Variants in AHDC1 observed in about 807,000 individuals in gnomAD.
AHDC1 encodes AT-hook DNA binding motif containing 1, also known as transcription factor Gibbin.
In AHDC1, 7 loss-of-function variants were observed where a neutral mutation model predicts 87.9. The observed-to-expected ratio is 0.08, with a 90% CI of 0.05 to 0.15. AHDC1 has a LOEUF of 0.15. Among genes scored for constraint, AHDC1 ranks in the 10% least tolerant of loss-of-function variants. The pLI is 1.00. For missense variants in AHDC1, 1,841 were observed against 2,253.2 expected (o/e 0.82, Z 3.70); for synonymous variants, 1,051 against 1,006.8 (o/e 1.04, Z -0.83).
chr1:27,575,192 C>G (rs570732254), intron 3 of AHDC1, among the ~76,000 whole-genome samples: 11 of 152,310 alleles, frequency 7.2e-5, no homozygotes, highest in African/African-American at 2.4e-4. Flanking sequence ...GCCGCCGCCT[C>G]TGGGGCTACC....
chr1:27,575,870 G>C (rs563797097), intron 3 of AHDC1, among the ~76,000 whole-genome samples: 2 of 136,332 alleles, frequency 1.5e-5, no homozygotes, highest in Non-Finnish European at 3.2e-5. Flanking sequence ...GCCAGGCCGG[G>C]CCCTCTGCTG....
chr1:27,571,991 T>G (rs1214966107), intron 3 of AHDC1, among the ~76,000 whole-genome samples: 1 of 152,016 alleles, frequency 6.6e-6, no homozygotes, highest in Admixed American at 6.5e-5. Flanking sequence ...AAATCCCTCC[T>G]CTTCAATATT....
At chr1:27,570,180 C>T (rs1448818789) in intron 3 of AHDC1, among the ~76,000 whole-genome samples, 1 of 152,102 alleles carries the variant, frequency 6.6e-6, no homozygotes, top group East Asian at 1.9e-4. Flanking sequence ...TTACAGAATG[C>T]TCCTCCCTGC....
chr1:27,580,226 A>C (rs910618557), intron 3 of AHDC1, among the ~76,000 whole-genome samples: 6 of 152,186 alleles, frequency 3.9e-5, no homozygotes, highest in Non-Finnish European at 7.3e-5. Flanking sequence ...AATGAGGCCA[A>C]GAGATAGAGT....
intron 8 of AHDC1, among the ~76,000 whole-genome samples, chr1:27,538,610 GC>G (rs1349470001): frequency 6.6e-6 from 1 of 151,440 alleles, no homozygotes; most frequent in African/African-American, 2.4e-5. Flanking sequence ...CACCTTCCAG[GC>G]CCATGAGATC....
intron 5 of AHDC1, among the ~76,000 whole-genome samples, chr1:27,553,734 C>A (rs938146932): frequency 6.6e-6 from 1 of 152,154 alleles, no homozygotes; most frequent in Admixed American, 6.5e-5. Flanking sequence ...TTTCCCAACA[C>A]TCAGAACAGC....
intron 3 of AHDC1, among the ~76,000 whole-genome samples, chr1:27,573,236 G>A (rs1251213763): frequency 6.6e-6 from 1 of 152,182 alleles, no homozygotes; most frequent in African/African-American, 2.4e-5. Context: ...GAGCCTGTCA[G>A]AGCTAGAAGG....
intron 3 of AHDC1, among the ~76,000 whole-genome samples, chr1:27,573,246 G>T (rs2088601728): frequency 6.6e-6 from 1 of 152,182 alleles, no homozygotes; most frequent in African/African-American, 2.4e-5. Flanking sequence ...GAGCTAGAAG[G>T]TGCCTTAGGG....
At position 27,578,072 on chromosome 1, in the gene AHDC1, C is replaced by T. The variant is rs2088807785; in HGVS notation, c.-628-19189G>A. Among the ~76,000 whole-genome samples, 3 of 152,206 alleles carry T rather than the reference C, an allele frequency of 2.0e-5. No homozygotes were observed. The South Asian group carries it at 6.2e-4, about 32-fold the overall frequency. Reference sequence around the variant, plus strand: ...TTCTGGCTCATAACTCCTCTGGACCCTGGTCCCAAAGAAAAGCCTGTTTCT... The same window carrying T: ...TTCTGGCTCATAACTCCTCTGGACCTTGGTCCCAAAGAAAAGCCTGTTTCT... On this transcript the variant is annotated intron_variant, in intron 3 of 8. Coordinates refer to ENST00000673934, the MANE Select transcript of AHDC1 (RefSeq NM_001371928.1).
At chr1:27,573,486 A>C (rs1332673423) in intron 3 of AHDC1, among the ~76,000 whole-genome samples, 1 of 152,158 alleles carries the variant, frequency 6.6e-6, no homozygotes, top group Non-Finnish European at 1.5e-5. Context: ...TGGGAGGGGA[A>C]TCTGTAGTCC....
At chr1:27,569,324 C>G (rs532840679) in intron 3 of AHDC1, among the ~76,000 whole-genome samples, 6 of 152,250 alleles carry the variant, frequency 3.9e-5, no homozygotes, top group Admixed American at 3.9e-4. Context: ...CATCATCACC[C>G]TACATGGTGA....
chr1:27,550,877 T>A lies in AHDC1; in HGVS notation c.1239A>T (p.Leu413=). ...GCCCCGTGGGCATAGGCAGGGGCAG[T>A]AGGCGGCCCTCGGGTCCGGCGTCTG... ...RKADAGPEGR[L]LPLPMPTGLV... is the part of the protein sequence containing the mutation. Residue 413 remains leucine (L), a synonymous_variant, in exon 8 of 9, where the codon CTA becomes CTT. Coordinates refer to ENST00000673934, the MANE Select transcript of AHDC1 (RefSeq NM_001371928.1). The A allele has an allele frequency of 6.3e-7, 1 of 1,581,792 alleles. No homozygotes were observed. The highest frequency in any genetic ancestry group is 8.6e-7 in the Non-Finnish European group (1 of 1,168,952).
At chr1:27,578,359 T>C (rs973220544) in intron 3 of AHDC1, among the ~76,000 whole-genome samples, 1 of 151,998 alleles carries the variant, frequency 6.6e-6, no homozygotes, top group African/African-American at 2.4e-5. Flanking sequence ...GAGGCCGAGG[T>C]GGGTGGATCA....
chr1:27,599,762 G>GT (rs2089480220), intron 3 of AHDC1, among the ~76,000 whole-genome samples: 1 of 151,898 alleles, frequency 6.6e-6, no homozygotes, highest in South Asian at 2.1e-4. Context: ...ACGCCCCCCC[G>GT]GGTCCCAAGA....
chr1:27,546,116 G>A (rs1450148455), intron 8 of AHDC1, among the ~76,000 whole-genome samples: 1 of 152,194 alleles, frequency 6.6e-6, no homozygotes, highest in African/African-American at 2.4e-5. Context: ...AAACTCCCAG[G>A]AAGCTTCAGT....
intron 3 of AHDC1, among the ~76,000 whole-genome samples, chr1:27,569,430 G>A (rs2020473213): frequency 6.6e-6 from 1 of 152,102 alleles, no homozygotes; most frequent in African/African-American, 2.4e-5. Flanking sequence ...GTTCTTCCAT[G>A]TCGCATCATC....
rs12127935 is a variant in AHDC1 at position 27,576,980 on chromosome 1, G to A, written c.-628-18097C>T. On this transcript the variant is annotated intron_variant, in intron 3 of 8. Coordinates refer to ENST00000673934, the MANE Select transcript of AHDC1 (RefSeq NM_001371928.1). ...ACACCCCCCAACGCCAGCACCCACCGTCATGACATGAACACAGAGACCAGT... is the reference window on the plus strand; with the variant it reads ...ACACCCCCCAACGCCAGCACCCACCATCATGACATGAACACAGAGACCAGT... Among the ~76,000 whole-genome samples the A allele has an allele frequency of 3.5e-3, 534 of 152,236 alleles. 1 individual carries two copies. Among genetic ancestry groups the A allele is most frequent in the Non-Finnish European group, 5.4e-3 (368 of 68,006 alleles).
At position 27,549,898 on chromosome 1, in the gene AHDC1, G is replaced by A. The variant is rs780652723; in HGVS notation, c.2218C>T (p.Arg740Cys). Residue 740 changes from arginine to cysteine, a missense_variant, in exon 8 of 9, where the codon CGC becomes TGC. Physicochemically the swap from Arg to Cys is radical, Grantham distance 180. Coordinates refer to ENST00000673934, the MANE Select transcript of AHDC1 (RefSeq NM_001371928.1). ...CCATTCTTCCGGGACCGTCTCTTGC[G>A]CTTTGGCTTCCCAGTCACAGCGTCT... ...EVDAVTGKPKRKRRSRKNGTL... is the reference protein window; with the variant it reads ...EVDAVTGKPKCKRRSRKNGTL... 21 of 1,613,548 alleles carry A rather than the reference G, an allele frequency of 1.3e-5. No homozygotes were observed. The highest frequency in any genetic ancestry group is 2.2e-5 in the East Asian group (1 of 44,878).
At chr1:27,542,314 C>T (rs1017756914) in intron 8 of AHDC1, among the ~76,000 whole-genome samples, 1 of 152,182 alleles carries the variant, frequency 6.6e-6, no homozygotes, top group African/African-American at 2.4e-5. Flanking sequence ...CAATTGCTAA[C>T]GCAAAGAACT....
Sources: allele counts gnomAD v4.1 joint callset (sites outside exome capture counted in the v4.1 genomes callset), GRCh38; gene constraint gnomAD v4.1.1; transcripts MANE v1.5; gene names NCBI Gene and HGNC (gene_info 2026-07-23, HGNC 2026-07-21).